Variants in KCMF1 observed in about 807,000 individuals in gnomAD.
The protein encoded by KCMF1 is E3 ubiquitin-protein ligase KCMF1.
A neutral mutation model predicts 41.1 loss-of-function variants in KCMF1; 3 were observed. The ratio of observed to expected loss-of-function variants is 0.07; its 90% CI spans 0.03 to 0.19. The LOEUF (loss-of-function observed/expected upper bound fraction) is 0.19, where lower values mean the gene tolerates loss of function less well. Ranked by LOEUF, KCMF1 falls within the 10% of genes least tolerant of loss-of-function variation. KCMF1 has a pLI of 1.00. For missense variants in KCMF1, 286 were observed against 488.9 expected (o/e 0.58, Z 3.91); for synonymous variants, 142 against 164.5 (o/e 0.86, Z 1.04).
At position 84,981,158 on chromosome 2, in the gene KCMF1, G is replaced by A. The variant is rs145671358; in HGVS notation, c.16+9691G>A. 4.9e-3 allele frequency among the ~76,000 whole-genome samples: 741 copies of A among 151,216 alleles called. 4 individuals carry two copies. Among genetic ancestry groups the A allele is most frequent in the Non-Finnish European group, 7.4e-3 (501 of 67,852 alleles). On this transcript the variant is annotated intron_variant, in intron 1 of 6. Coordinates refer to ENST00000409785, the MANE Select transcript of KCMF1 (RefSeq NM_020122.5). ...AGTGGATGAAGCATCTTGATATCATGACTAATTAGGTTTGCACATTATCTT... is the reference window on the plus strand; with the variant it reads ...AGTGGATGAAGCATCTTGATATCATAACTAATTAGGTTTGCACATTATCTT...
At position 85,054,228 on chromosome 2, in the gene KCMF1, A is replaced by C. The variant is rs1293307053; in HGVS notation, c.*819A>C. The C allele has an allele frequency of 6.6e-6, 1 of 152,198 alleles. No homozygotes were observed. Among genetic ancestry groups the C allele is most frequent in the Admixed American group, 6.5e-5 (1 of 15,278 alleles). The allele number at this position is 152,198 out of a possible 1,614,324, so 9.4% of individuals were successfully genotyped here. On this transcript the variant is annotated 3_prime_UTR_variant, in exon 7 of 7. Transcript: ENST00000409785. ...TGTTTAAAATTTTTTCAATTGTTAAATATGTTTTATTCAGGTGTAGATGAA... is the reference window on the plus strand; with the variant it reads ...TGTTTAAAATTTTTTCAATTGTTAACTATGTTTTATTCAGGTGTAGATGAA...
chr2:84,984,716 A>G lies in KCMF1; in HGVS notation c.16+13249A>G, dbSNP rs144561264. 9.2e-5 allele frequency among the ~76,000 whole-genome samples: 14 copies of G among 152,230 alleles called. No homozygotes were observed. In the East Asian group the frequency reaches 2.7e-3, roughly 29 times the overall value. On this transcript the variant is annotated intron_variant, in intron 1 of 6. Coordinates refer to ENST00000409785, the MANE Select transcript of KCMF1 (RefSeq NM_020122.5). ...ATGCCCATAATCCTAGCTACTCGGG[A>G]GGCTGAGGCAGGAGAATTGCTTGAA...
At chr2:84,984,014 C>T (rs1431696271) in intron 1 of KCMF1, among the ~76,000 whole-genome samples, 5 of 152,032 alleles carry the variant, frequency 3.3e-5, no homozygotes, top group African/African-American at 1.2e-4. Context: ...TAAAAAATGC[C>T]TCAGTTGAAA....
At chr2:84,999,271 C>T (rs1267808663) in intron 1 of KCMF1, among the ~76,000 whole-genome samples, 3 of 152,126 alleles carry the variant, frequency 2.0e-5, no homozygotes, top group Non-Finnish European at 4.4e-5. Flanking sequence ...CTGCCTCAGC[C>T]TCCCAAGTAG....
chr2:84,995,598 A>G (rs1288612112), intron 1 of KCMF1, among the ~76,000 whole-genome samples: 2 of 152,138 alleles, frequency 1.3e-5, no homozygotes, highest in African/African-American at 2.4e-5. Flanking sequence ...AGTGATTGCA[A>G]GAGGTTGACT....
chr2:85,015,025 T>TC (rs1393933644), intron 1 of KCMF1, among the ~76,000 whole-genome samples: 2 of 151,620 alleles, frequency 1.3e-5, no homozygotes, highest in Non-Finnish European at 1.5e-5. Flanking sequence ...GCCTTCTTTT[T>TC]CCCCCCTCTA....
chr2:85,000,912 A>G (rs1674310679), intron 1 of KCMF1, among the ~76,000 whole-genome samples: 1 of 150,130 alleles, frequency 6.7e-6, no homozygotes. Flanking sequence ...CTGAGTAGGT[A>G]GGGCTACAGA....
Position 85,035,168 on chromosome 2 carries a change from G to T in KCMF1, c.324+13G>T. 1 of 1,606,188 alleles carries T rather than the reference G, an allele frequency of 6.2e-7. No homozygotes were observed. Among genetic ancestry groups the T allele is most frequent in the African/African-American group, 1.3e-5 (1 of 74,734 alleles). On this transcript the variant is annotated intron_variant, in intron 3 of 6. Coordinates refer to ENST00000409785, the MANE Select transcript of KCMF1 (RefSeq NM_020122.5). Reference sequence around the variant, plus strand: ...ATCAACAGAAGTGGTAAGTGAAGCAGCAACCTTATGACTAAAATGATGTTG... The same window carrying T: ...ATCAACAGAAGTGGTAAGTGAAGCATCAACCTTATGACTAAAATGATGTTG...
rs369828898 is a variant in KCMF1 at position 85,049,548 on chromosome 2, A to G, written c.784A>G (p.Ser262Gly). ...CGCAACCCGGCGTACTAACACAAGC[A>G]GTGTCACCACTACAATCACACAATC... is the stretch of plus-strand genomic sequence containing the variant. Reference protein sequence around the residue: ...RNATRRTNTSSVTTTITQSTA... With the variant: ...RNATRRTNTSGVTTTITQSTA... The change falls in exon 6 of 7, where the codon AGT (serine) becomes GGT (glycine). Residue 262 changes from serine to glycine, a missense_variant. By Grantham distance (56) the Ser-to-Gly change is moderately conservative. Coordinates refer to ENST00000409785, the MANE Select transcript of KCMF1 (RefSeq NM_020122.5). The G allele has an allele frequency of 2.2e-5, 35 of 1,613,936 alleles. No homozygotes were observed. Among genetic ancestry groups the G allele is most frequent in the Non-Finnish European group, 2.8e-5 (33 of 1,179,912 alleles).
In KCMF1 at chr2:85,026,389, A is replaced by C. The variant is rs1675103521; in HGVS notation, c.17-1500A>C. ...TGGCCTCAAGCAGCCCTCTTGTCTT[A>C]GCCTCCCAAAGTGTTGGAATTACAG... On this transcript the variant is annotated intron_variant, in intron 1 of 6. Transcript: ENST00000409785. Among the ~76,000 whole-genome samples, 2 of 148,288 alleles carry C rather than the reference A, an allele frequency of 1.3e-5. 1 individual carries two copies. Among genetic ancestry groups the C allele is most frequent in the Admixed American group, 1.3e-4 (2 of 14,864 alleles).
intron 1 of KCMF1, among the ~76,000 whole-genome samples, chr2:85,003,805 C>G (rs1674395315): frequency 6.6e-6 from 1 of 151,792 alleles, no homozygotes; most frequent in Non-Finnish European, 1.5e-5. Flanking sequence ...CCTTACAGGC[C>G]CAAGATAACT....
chr2:85,008,297 T>TC lies in KCMF1; in HGVS notation c.17-19592_17-19591insC, dbSNP rs1309235154. 3.2e-3 allele frequency among the ~76,000 whole-genome samples: 274 copies of TC among 85,828 alleles called. 9 individuals carry two copies. The highest frequency in any genetic ancestry group is 0.014 in the African/African-American group (264 of 19,100). The allele number at this position is 85,828 out of a possible 152,430, so 56.3% of individuals were successfully genotyped here. A position where few individuals can be genotyped will look rare whatever the true frequency, so the allele number is the denominator to read the frequency against. ...TATATAATATGATATATAATATATA[T>TC]AATATATAATATGATATATATATCA... On this transcript the variant is annotated intron_variant, in intron 1 of 6. Coordinates refer to ENST00000409785, the MANE Select transcript of KCMF1 (RefSeq NM_020122.5).
chr2:85,049,367 G>C lies in KCMF1; in HGVS notation c.603G>C (p.Glu201Asp). 6.2e-7 allele frequency: 1 copy of C among 1,612,096 alleles called. No homozygotes were observed. The highest frequency in any genetic ancestry group is 8.5e-7 in the Non-Finnish European group (1 of 1,178,180). The change falls in exon 6 of 7, where the codon GAG becomes GAC. Residue 201 changes from glutamate (E) to aspartate (D), a missense_variant and splice_region_variant. Around this residue, in one of 2 missense-constraint regions of KCMF1, gnomAD observed 191 missense variants for 279.3 expected, o/e 0.68. Transcript: ENST00000409785. Reference protein sequence around the residue: ...SNREAMDPIAELLSQLSGVRR... With the variant: ...SNREAMDPIADLLSQLSGVRR... Reference sequence around the variant, plus strand: ...AATTGTCTTCATTTCCATTGGCAGAGCTTTTATCTCAGTTATCAGGAGTGA... The same window carrying C: ...AATTGTCTTCATTTCCATTGGCAGACCTTTTATCTCAGTTATCAGGAGTGA...
intron 1 of KCMF1, among the ~76,000 whole-genome samples, chr2:84,998,470 G>A (rs537729620): frequency 6.6e-6 from 1 of 152,238 alleles, no homozygotes; most frequent in South Asian, 2.1e-4. Context: ...TACCTGATTT[G>A]CAGTATAGTC....
chr2:85,004,729 G>T (rs1003526419), intron 1 of KCMF1, among the ~76,000 whole-genome samples: 1 of 151,996 alleles, frequency 6.6e-6, no homozygotes, highest in Non-Finnish European at 1.5e-5. Flanking sequence ...TTATATTACC[G>T]GTCATGCCTC....
intron 1 of KCMF1, among the ~76,000 whole-genome samples, chr2:84,995,930 A>G (rs1393901858): frequency 1.3e-5 from 2 of 152,248 alleles, no homozygotes; most frequent in African/African-American, 2.4e-5. Context: ...GTAATGAAGA[A>G]GTCAGATACT....
intron 1 of KCMF1, among the ~76,000 whole-genome samples, chr2:84,989,654 G>A (rs758942822): frequency 6.6e-6 from 1 of 152,224 alleles, no homozygotes; most frequent in Admixed American, 6.5e-5. Flanking sequence ...GATTGTGGAA[G>A]AATGAAAAGT....
intron 5 of KCMF1, among the ~76,000 whole-genome samples, chr2:85,047,218 A>AT (rs1479515931): frequency 6.6e-6 from 1 of 152,226 alleles, no homozygotes; most frequent in Non-Finnish European, 1.5e-5. Flanking sequence ...AAATCATAAA[A>AT]GATTTCAACT....
chr2:85,013,624 C>G (rs1574024495), intron 1 of KCMF1, among the ~76,000 whole-genome samples: 1 of 151,866 alleles, frequency 6.6e-6, no homozygotes, highest in East Asian at 1.9e-4. Flanking sequence ...ATGGTGAAAC[C>G]CCGTCTCTAC....
Sources: gnomAD v4.1 joint callset for allele counts (sites outside exome capture counted in the v4.1 genomes callset) on GRCh38, gnomAD v4.1.1 for gene constraint, gnomAD v4.1.1 regional missense constraint, MANE v1.5 for transcripts, NCBI Gene and HGNC (gene_info 2026-07-23, HGNC 2026-07-21) for gene names.